The following AGBL1 variants were observed in gnomAD, a reference collection of about 807,000 sequenced individuals.
AGBL1 encodes AGBL carboxypeptidase 1, also known as cytosolic carboxypeptidase 4.
AGBL1 carries 130 observed loss-of-function variants against 118.9 expected under a neutral mutation model. The ratio of observed to expected loss-of-function variants is 1.09; its 90% confidence interval spans 0.95 to 1.26. AGBL1 has a LOEUF of 1.26. Among genes scored for constraint, AGBL1 ranks in the 50% most tolerant of loss-of-function variants. AGBL1 has a pLI of 0.00. For missense variants in AGBL1, 1,584 were observed against 1,298.1 expected, an observed-to-expected ratio of 1.22 and a Z score of -3.38; for synonymous variants, 555 against 478.9, an observed-to-expected ratio of 1.16 and a Z score of -2.08.
At chr15:86,435,269 A>G (rs914351823) in intron 18 of AGBL1, among the ~76,000 whole-genome samples, 1 of 152,134 alleles carries the variant, frequency 6.6e-6, no homozygotes, top group African/African-American at 2.4e-5. Context: ...TCACTGTTTT[A>G]GCTCTGAGTT....
intron 9 of AGBL1, among the ~76,000 whole-genome samples, chr15:86,261,606 C>T (rs1485861208): frequency 6.7e-6 from 1 of 149,730 alleles, no homozygotes; most frequent in East Asian, 1.9e-4. Flanking sequence ...ACTTGTAAAA[C>T]ATATGGTATT....
intron 1 of AGBL1, among the ~76,000 whole-genome samples, chr15:86,135,629 C>T (rs1427185338): frequency 2.6e-5 from 4 of 152,156 alleles, no homozygotes; most frequent in African/African-American, 9.7e-5. Flanking sequence ...CCCTGAATGC[C>T]TACTGTGTGA....
intron 21 of AGBL1, among the ~76,000 whole-genome samples, chr15:86,584,697 G>GT (rs1373525240): frequency 1.3e-5 from 2 of 151,886 alleles, no homozygotes; most frequent in African/African-American, 2.4e-5. Context: ...TTTAGAATAG[G>GT]TTTTTTTCTA....
chr15:87,015,000 A>G (rs571241333), intron 24 of AGBL1, among the ~76,000 whole-genome samples: 2 of 152,230 alleles, frequency 1.3e-5, no homozygotes, highest in South Asian at 2.1e-4. Context: ...ATTGCGCTCA[A>G]TGTGAATGGA....
intron 21 of AGBL1, among the ~76,000 whole-genome samples, chr15:86,607,097 T>C (rs184863819): frequency 6.6e-6 from 1 of 152,334 alleles, no homozygotes; most frequent in East Asian, 1.9e-4. Flanking sequence ...TTCTTTCACT[T>C]AGCAATATAT....
At chr15:86,488,743 T>A (rs919832363) in intron 18 of AGBL1, among the ~76,000 whole-genome samples, 1 of 151,914 alleles carries the variant, frequency 6.6e-6, no homozygotes, top group East Asian at 1.9e-4. Context: ...TCATCGCCCC[T>A]CTCTACCGGG....
chr15:86,128,146 T>C (rs1026206423), intron 1 of AGBL1, among the ~76,000 whole-genome samples: 1 of 152,168 alleles, frequency 6.6e-6, no homozygotes, highest in Non-Finnish European at 1.5e-5. Context: ...TACTTGAGAC[T>C]GGGTAATTTA....
chr15:86,741,073 C>T (rs986106421), intron 22 of AGBL1, among the ~76,000 whole-genome samples: 3 of 151,932 alleles, frequency 2.0e-5, no homozygotes, highest in African/African-American at 7.3e-5. Flanking sequence ...GGTAAAACTC[C>T]TCTATGTGGG....
At chr15:86,828,150 C>G (rs1051755065) in intron 22 of AGBL1, among the ~76,000 whole-genome samples, 15 of 151,228 alleles carry the variant, frequency 9.9e-5, no homozygotes, top group African/African-American at 3.2e-4. Context: ...ACTTTGTTGC[C>G]TAGGCTGGTC....
intron 21 of AGBL1, among the ~76,000 whole-genome samples, chr15:86,567,836 G>C (rs1299879954): frequency 6.6e-6 from 1 of 152,104 alleles, no homozygotes; most frequent in Non-Finnish European, 1.5e-5. Flanking sequence ...CTGGGGCATG[G>C]TCCAGGAATC....
chr15:86,706,241 T>A (rs550267986), intron 22 of AGBL1, among the ~76,000 whole-genome samples: 1 of 152,250 alleles, frequency 6.6e-6, no homozygotes, highest in Non-Finnish European at 1.5e-5. Context: ...ATTCATTTTT[T>A]ATTGTCACAA....
At chr15:86,560,492 G>A (rs1271446896) in intron 21 of AGBL1, among the ~76,000 whole-genome samples, 3 of 152,146 alleles carry the variant, frequency 2.0e-5, no homozygotes, top group Non-Finnish European at 4.4e-5. Flanking sequence ...TAGCTGCATA[G>A]TATTCCTTGG....
rs147890663 is a variant in AGBL1, at chr15:86,669,365, T to C, written c.2995-4908T>C. ...ACAAAAATATGAAAAAAATCAGAAT[T>C]TACTACAGTGAAACAAAGAAATAGA... On this transcript the variant is annotated intron_variant, in intron 21 of 22. Transcript: ENST00000614907. Among the ~76,000 whole-genome samples, 783 of 152,118 alleles carry C rather than the reference T, an allele frequency of 5.1e-3. 7 individuals are homozygous for C. Among genetic ancestry groups the C allele is most frequent in the African/African-American group, 0.016 (657 of 41,504 alleles).
At chr15:86,836,349 T>C (rs2079171103) in intron 22 of AGBL1, among the ~76,000 whole-genome samples, 1 of 152,176 alleles carries the variant, frequency 6.6e-6, no homozygotes, top group African/African-American at 2.4e-5. Context: ...CTCTCAGATC[T>C]TCGTCCTTTC....
intron 22 of AGBL1, among the ~76,000 whole-genome samples, chr15:86,759,014 T>C (rs185113035): frequency 6.6e-6 from 1 of 150,674 alleles, no homozygotes; most frequent in Non-Finnish European, 1.5e-5. Flanking sequence ...TTTAAACTTA[T>C]ACCTCATGAG....
chr15:86,928,148 T>A (rs2080565300), intron 23 of AGBL1, among the ~76,000 whole-genome samples: 1 of 152,148 alleles, frequency 6.6e-6, no homozygotes, highest in Admixed American at 6.5e-5. Flanking sequence ...ATTAGCTCAT[T>A]GAAAGGTTTT....
chr15:86,527,558 C>T lies in AGBL1; in HGVS notation c.2685+4619C>T, dbSNP rs1048885061. Among the ~76,000 whole-genome samples the T allele has an allele frequency of 7.2e-5, 11 of 152,240 alleles. 1 individual carries two copies. The East Asian group carries it at 1.4e-3, about 19-fold the overall frequency. ...ATGAGTCTCCTGCTGGCAGCAGAAG[C>T]GCTGCCACTCACTCAGCACTCAGGC... On this transcript the variant is annotated intron_variant, in intron 19 of 22. Coordinates refer to ENST00000614907, the MANE Select transcript of AGBL1 (RefSeq NM_001386094.1).
At chr15:86,663,562 A>G (rs748095380) in intron 21 of AGBL1, among the ~76,000 whole-genome samples, 5 of 152,064 alleles carry the variant, frequency 3.3e-5, no homozygotes, top group Non-Finnish European at 7.4e-5. Context: ...CACAACAGCA[A>G]AGGGGAGGGA....
At chr15:86,892,962 C>T (rs536024982) in intron 22 of AGBL1, among the ~76,000 whole-genome samples, 2 of 152,220 alleles carry the variant, frequency 1.3e-5, no homozygotes, top group African/African-American at 4.8e-5. Flanking sequence ...GCTCGTGCCT[C>T]TTAGATGGAG....
Sources: allele counts gnomAD v4.1 joint callset (sites outside exome capture counted in the v4.1 genomes callset), GRCh38; gene constraint gnomAD v4.1.1; transcripts MANE v1.5; gene names NCBI Gene and HGNC (gene_info 2026-07-23, HGNC 2026-07-21).